Variants in SRRM4 observed in about 807,000 individuals in gnomAD.
The protein encoded by SRRM4 is serine/arginine repetitive matrix protein 4.
Under a neutral mutation model 68.9 loss-of-function variants are expected in SRRM4, and 33 were observed. The observed-to-expected ratio is 0.48, with a 90% confidence interval of 0.36 to 0.64. The LOEUF is 0.64. Among genes scored for constraint, SRRM4 ranks in the 30% least tolerant of loss-of-function variants. The pLI is 0.00. For synonymous variants in SRRM4, 318 were observed against 318.8 expected, an observed-to-expected ratio of 1.00 and a Z score of 0.03; for missense variants, 817 against 827.1, an observed-to-expected ratio of 0.99 and a Z score of 0.15.
chr12:119,136,148 G>A (rs1954326653), intron 8 of SRRM4, among the ~76,000 whole-genome samples: 1 of 152,086 alleles, frequency 6.6e-6, no homozygotes, highest in African/African-American at 2.4e-5. Flanking sequence ...TGATGTTCTC[G>A]GAGTATCTTT....
At chr12:119,040,216 T>A (rs10775014) in intron 1 of SRRM4, among the ~76,000 whole-genome samples, 88,506 of 151,908 alleles carry the variant, frequency 0.58, 26,927 homozygotes, top group Non-Finnish European at 0.67. Context: ...TATTTTTCCA[T>A]AATTTATTGG....
intron 1 of SRRM4, among the ~76,000 whole-genome samples, chr12:119,089,312 G>C (rs975182203): frequency 6.6e-6 from 1 of 152,130 alleles, no homozygotes; most frequent in South Asian, 2.1e-4. Flanking sequence ...TAAAGATAAA[G>C]CTCTCTAATA....
At chr12:119,015,594 T>C (rs1181298004) in intron 1 of SRRM4, among the ~76,000 whole-genome samples, 1 of 152,202 alleles carries the variant, frequency 6.6e-6, no homozygotes, top group Non-Finnish European at 1.5e-5. Flanking sequence ...TTTTAAAATA[T>C]ATGACTGCAT....
At chr12:119,082,477 C>T in intron 1 of SRRM4, among the ~76,000 whole-genome samples, 1 of 152,144 alleles carries the variant, frequency 6.6e-6, no homozygotes, top group East Asian at 1.9e-4. Context: ...TCGTGATTTC[C>T]CCCCCTTCTT....
chr12:119,046,526 A>G (rs1953708584), intron 1 of SRRM4, among the ~76,000 whole-genome samples: 1 of 32,182 alleles, frequency 3.1e-5, no homozygotes, highest in Non-Finnish European at 7.0e-5. Flanking sequence ...CATCTCATAA[A>G]TAATTTTTTA....
chr12:118,981,753 A>C lies in SRRM4; in HGVS notation c.-130A>C. On this transcript the variant is annotated 5_prime_UTR_variant, in exon 1 of 13. Coordinates refer to ENST00000267260, the MANE Select transcript of SRRM4 (RefSeq NM_194286.4). Reference sequence around the variant, plus strand: ...GTCCCATCCCCCGCCCTGAACTCCGATCTCTCCCACCCCACCCCTCTCTGG... The same window carrying C: ...GTCCCATCCCCCGCCCTGAACTCCGCTCTCTCCCACCCCACCCCTCTCTGG... 2.7e-5 allele frequency: 23 copies of C among 848,344 alleles called. No individual in the cohort carries two copies. Among genetic ancestry groups the C allele is most frequent in the East Asian group, 1.0e-4 (3 of 28,846 alleles). The allele number at this position is 848,344 out of a possible 1,614,324, so 52.6% of individuals were successfully genotyped here.
intron 5 of SRRM4, among the ~76,000 whole-genome samples, chr12:119,121,077 A>G (rs564321880): frequency 6.6e-6 from 1 of 152,342 alleles, no homozygotes; most frequent in African/African-American, 2.4e-5. Context: ...TGAAGAAACC[A>G]GGTTTTAAAG....
intron 1 of SRRM4, among the ~76,000 whole-genome samples, chr12:119,009,685 A>G (rs1347271048): frequency 6.6e-6 from 1 of 152,196 alleles, no homozygotes; most frequent in African/African-American, 2.4e-5. Context: ...TTGCCAAATC[A>G]GTTAATATCA....
intron 1 of SRRM4, among the ~76,000 whole-genome samples, chr12:119,094,425 C>T (rs1954031108): frequency 6.6e-6 from 1 of 152,222 alleles, no homozygotes; most frequent in Admixed American, 6.5e-5. Context: ...CCAGGTGACC[C>T]ATGCACATGA....
intron 1 of SRRM4, among the ~76,000 whole-genome samples, chr12:119,049,896 C>T (rs1396081688): frequency 6.6e-6 from 1 of 152,122 alleles, no homozygotes; most frequent in African/African-American, 2.4e-5. Flanking sequence ...ACCTTAATTA[C>T]CGTTTAAAAG....
At chr12:118,987,855 A>T (rs58017117) in intron 1 of SRRM4, among the ~76,000 whole-genome samples, 1 of 152,298 alleles carries the variant, frequency 6.6e-6, no homozygotes, top group Non-Finnish European at 1.5e-5. Flanking sequence ...TAGACACAAC[A>T]TAAGTACATA....
At chr12:119,006,378 G>A (rs1461818625) in intron 1 of SRRM4, among the ~76,000 whole-genome samples, 1 of 152,106 alleles carries the variant, frequency 6.6e-6, no homozygotes, top group Non-Finnish European at 1.5e-5. Context: ...CAGTGATCTT[G>A]GATTTCCCAC....
chr12:119,097,252 G>A (rs1489376850), intron 1 of SRRM4, among the ~76,000 whole-genome samples: 2 of 152,258 alleles, frequency 1.3e-5, no homozygotes, highest in African/African-American at 4.8e-5. Context: ...AGGGAGATAG[G>A]TGGGGCTGTG....
chr12:119,156,941 G>C lies in SRRM4; in HGVS notation c.*143G>C. On this transcript the variant is annotated 3_prime_UTR_variant, in exon 13 of 13. Coordinates refer to ENST00000267260, the MANE Select transcript of SRRM4 (RefSeq NM_194286.4). ...GCTTGCCTAGGGGAAGAGGAGAAGA[G>C]GGTAAGGGGGCTTCACTCTCTAGAT... 1 of 1,060,798 alleles carries C rather than the reference G, an allele frequency of 9.4e-7. No homozygotes were observed. The highest frequency in any genetic ancestry group is 1.3e-6 in the Non-Finnish European group (1 of 758,814). The allele number at this position is 1,060,798 out of a possible 1,614,324, so 65.7% of individuals were successfully genotyped here. A position where few individuals can be genotyped will look rare whatever the true frequency, so the allele number is the denominator to read the frequency against.
intron 1 of SRRM4, among the ~76,000 whole-genome samples, chr12:119,016,505 C>G (rs1277922345): frequency 6.6e-6 from 1 of 151,760 alleles, no homozygotes. Flanking sequence ...CTGCATTTCC[C>G]CAGCCCAATT....
At chr12:119,155,291 T>C (rs1423039019) in intron 12 of SRRM4, among the ~76,000 whole-genome samples, 2 of 152,182 alleles carry the variant, frequency 1.3e-5, no homozygotes, top group African/African-American at 4.8e-5. Flanking sequence ...TAAGATTGGG[T>C]TGGGCTCTTC....
At chr12:119,051,316 A>T (rs368526333) in intron 1 of SRRM4, among the ~76,000 whole-genome samples, 2 of 152,334 alleles carry the variant, frequency 1.3e-5, no homozygotes, top group East Asian at 1.9e-4. Context: ...TCAACAGTTC[A>T]CAAAGTTGAG....
At chr12:119,097,692 G>T (rs900944409) in intron 1 of SRRM4, among the ~76,000 whole-genome samples, 2 of 152,158 alleles carry the variant, frequency 1.3e-5, no homozygotes, top group Non-Finnish European at 2.9e-5. Context: ...TCATCTTCAA[G>T]ATTTCCCCAT....
rs373132559 is a variant in SRRM4 at position 119,080,092 on chromosome 12, T to C, written c.132-22144T>C. On this transcript the variant is annotated intron_variant, in intron 1 of 12. Coordinates refer to ENST00000267260, the MANE Select transcript of SRRM4 (RefSeq NM_194286.4). Reference sequence around the variant, plus strand: ...ACATCCATGCCTGGAAAACGTGGGGTGTCATCCTGTCTTAACCCCTAACCT... The same window carrying C: ...ACATCCATGCCTGGAAAACGTGGGGCGTCATCCTGTCTTAACCCCTAACCT... Among the ~76,000 whole-genome samples the C allele has an allele frequency of 2.4e-4, 37 of 152,264 alleles. No individual in the cohort carries two copies. The East Asian group carries it at 6.0e-3, about 25-fold the overall frequency.
Sources: gnomAD v4.1 joint callset for allele counts (sites outside exome capture counted in the v4.1 genomes callset) on GRCh38, gnomAD v4.1.1 for gene constraint, MANE v1.5 for transcripts, NCBI Gene and HGNC (gene_info 2026-07-23, HGNC 2026-07-21) for gene names.